Variants in RHOD observed in about 807,000 individuals in gnomAD.
RHOD encodes the protein rho-related GTP-binding protein RhoD.
In RHOD, 11 loss-of-function variants were observed where a neutral mutation model predicts 16.7. That is an observed-to-expected ratio of 0.66 (90% confidence interval 0.41 to 1.09). RHOD has a LOEUF of 1.09. Among genes scored for constraint, RHOD ranks in the 50% least tolerant of loss-of-function variants. The pLI is 0.00. For missense variants in RHOD, 271 were observed against 291.7 expected, an observed-to-expected ratio of 0.93 and a Z score of 0.52; for synonymous variants, 124 against 126.3, an observed-to-expected ratio of 0.98 and a Z score of 0.12.
Position 67,061,629 on chromosome 11 carries a change from T to A in RHOD, c.133-4267T>A, listed in dbSNP as rs567961644. ...CCTGGGCAACAAGAGCGAAACTCTG[T>A]CTCAAAAAAAAAAAAAAAAAATCAA... On this transcript the variant is annotated intron_variant, in intron 1 of 4. Coordinates refer to ENST00000308831, the MANE Select transcript of RHOD (RefSeq NM_014578.4). Among the ~76,000 whole-genome samples, 208 of 108,538 alleles carry A rather than the reference T, an allele frequency of 1.9e-3. 2 individuals are homozygous for A. The highest frequency in any genetic ancestry group is 6.9e-3 in the African/African-American group (189 of 27,442). The allele number at this position is 108,538 out of a possible 152,430, so 71.2% of individuals were successfully genotyped here.
At chr11:67,063,935 G>A (rs1018400675) in intron 1 of RHOD, among the ~76,000 whole-genome samples, 3 of 150,420 alleles carry the variant, frequency 2.0e-5, no homozygotes, top group African/African-American at 4.9e-5. Context: ...GTGAAACCCC[G>A]TCTCTACTAA....
At chr11:67,058,925 C>T (rs958218431) in intron 1 of RHOD, among the ~76,000 whole-genome samples, 3 of 152,108 alleles carry the variant, frequency 2.0e-5, no homozygotes, top group Non-Finnish European at 4.4e-5. Context: ...AATGAGGGCA[C>T]CCGGGGAAGA....
intron 1 of RHOD, among the ~76,000 whole-genome samples, chr11:67,059,453 G>A (rs1390387843): frequency 6.6e-6 from 1 of 152,146 alleles, no homozygotes; most frequent in Admixed American, 6.5e-5. Context: ...TGAGGCAGGA[G>A]AATCGCTTGA....
intron 1 of RHOD, among the ~76,000 whole-genome samples, chr11:67,058,853 A>G (rs1326036353): frequency 6.6e-6 from 1 of 152,016 alleles, no homozygotes; most frequent in African/African-American, 2.4e-5. Context: ...CCAGTCATAC[A>G]TTTTTTTAAG....
At chr11:67,070,198 G>C (rs1855009036) in intron 3 of RHOD, 3 of 625,660 alleles carry the variant, frequency 4.8e-6, no homozygotes, top group Non-Finnish European at 8.9e-6. Flanking sequence ...CACCTGTACA[G>C]TGGGATTGGT....
chr11:67,060,755 A>G (rs1011793550), intron 1 of RHOD, among the ~76,000 whole-genome samples: 3 of 152,270 alleles, frequency 2.0e-5, no homozygotes, highest in African/African-American at 7.2e-5. Flanking sequence ...AGCCACACAC[A>G]GAAGATCCTT....
At chr11:67,066,148 C>T (rs1396450255) in intron 2 of RHOD, among the ~76,000 whole-genome samples, 165 bp downstream of exon 2, 1 of 152,210 alleles carries the variant, frequency 6.6e-6, no homozygotes, top group Non-Finnish European at 1.5e-5. Flanking sequence ...CTTGCCTCTG[C>T]AGCAGTGTCT....
intron 2 of RHOD, 41 bp from the exon 3 acceptor site, chr11:67,066,697 C>A (rs377381509): frequency 5.4e-5 from 69 of 1,278,950 alleles, no homozygotes; most frequent in Non-Finnish European, 7.2e-5. Flanking sequence ...CTGACAGGGG[C>A]CAGGAGCCCT....
At chr11:67,069,715 T>C (rs1415911882) in intron 3 of RHOD, among the ~76,000 whole-genome samples, 5 of 139,068 alleles carry the variant, frequency 3.6e-5, no homozygotes, top group Non-Finnish European at 7.8e-5. Context: ...TATTTTGAGA[T>C]GGAGTTTCAC....
At position 67,071,903 on chromosome 11, in the gene RHOD, C is replaced by T. The variant is rs1855038211; in HGVS notation, c.*301C>T. ...GCCTGATGCCCCCTCGTGGCTGCTC[C>T]CAGGGCTGCACCTGCCAGGACCTAA... On this transcript the variant is annotated 3_prime_UTR_variant, in exon 5 of 5. Transcript: ENST00000308831. 5.4e-6 allele frequency: 2 copies of T among 368,912 alleles called. No individual in the cohort carries two copies. The highest frequency in any genetic ancestry group is 9.7e-6 in the Non-Finnish European group (2 of 206,924). The allele number at this position is 368,912 out of a possible 1,614,324, so 22.9% of individuals were successfully genotyped here.
chr11:67,061,985 GA>G (rs924486977), intron 1 of RHOD, among the ~76,000 whole-genome samples: 158 of 146,158 alleles, frequency 1.1e-3, no homozygotes, highest in Middle Eastern at 7.0e-3. Context: ...TGACTCCGTC[GA>G]AAAAAAAAAA....
chr11:67,062,760 C>T lies in RHOD; in HGVS notation c.133-3136C>T, dbSNP rs58157516. On this transcript the variant is annotated intron_variant, in intron 1 of 4. Coordinates refer to ENST00000308831, the MANE Select transcript of RHOD (RefSeq NM_014578.4). ...GTCACGGGCAGGTGTGGGCCGCACC[C>T]GGCATGGGAAGGGAAGAGGATAGGG... Among the ~76,000 whole-genome samples, 23 of 152,244 alleles carry T rather than the reference C, an allele frequency of 1.5e-4. No homozygotes were observed. In the East Asian group the frequency reaches 2.3e-3, roughly 15 times the overall value.
chr11:67,065,259 A>G lies in RHOD; in HGVS notation c.133-637A>G, dbSNP rs1002139692. On this transcript the variant is annotated intron_variant, in intron 1 of 4. Transcript: ENST00000308831. Reference sequence around the variant, plus strand: ...CCTGGCTAATTTTTGTATTTTTAGTAGAGACAGGGTTTCACCATGTTGGTC... The same window carrying G: ...CCTGGCTAATTTTTGTATTTTTAGTGGAGACAGGGTTTCACCATGTTGGTC... 2.6e-5 allele frequency among the ~76,000 whole-genome samples: 4 copies of G among 152,142 alleles called. No individual in the cohort carries two copies. The East Asian group carries it at 5.8e-4, about 22-fold the overall frequency.
chr11:67,057,033 A>G lies in RHOD; in HGVS notation c.131A>G (p.Glu44Gly). The change falls in exon 1 of 5, where the codon GAG becomes GGG. Residue 44 changes from glutamate (E) to glycine (G), a missense_variant and splice_region_variant. Physicochemically the swap from Glu to Gly is moderately conservative, Grantham distance 98. Transcript: ENST00000308831. ...LMVFADGAFPESYTPTVFERY... is the reference protein window; with the variant it reads ...LMVFADGAFPGSYTPTVFERY... The stretch of plus-strand genomic sequence containing the variant: ...GTCTTCGCCGATGGGGCCTTCCCCG[A>G]GGTGAGTGCCCCGCGCCTCCGCCTC... 1 of 1,475,132 alleles carries G rather than the reference A, an allele frequency of 6.8e-7. No individual in the cohort carries two copies. Among genetic ancestry groups the G allele is most frequent in the Non-Finnish European group, 8.9e-7 (1 of 1,124,792 alleles). 91.4% of individuals were successfully genotyped at this position (1,475,132 alleles called of 1,614,324 possible).
At chr11:67,068,429 C>T (rs924358618) in intron 3 of RHOD, among the ~76,000 whole-genome samples, 2 of 151,990 alleles carry the variant, frequency 1.3e-5, no homozygotes, top group African/African-American at 4.8e-5. Flanking sequence ...AGAGTGGGGT[C>T]CTGGGGTGAA....
chr11:67,071,706 C>T lies in RHOD; in HGVS notation c.*104C>T. ...CCTAGGCTGTGACCGCCGAACTCCA[C>T]TGCAACAGACGGGCGCCACCAAAGC... On this transcript the variant is annotated 3_prime_UTR_variant, in exon 5 of 5. Coordinates refer to ENST00000308831, the MANE Select transcript of RHOD (RefSeq NM_014578.4). The T allele has an allele frequency of 8.3e-7, 1 of 1,209,348 alleles. No homozygotes were observed. Among genetic ancestry groups the T allele is most frequent in the Non-Finnish European group, 1.1e-6 (1 of 892,462 alleles). 74.9% of individuals were successfully genotyped at this position (1,209,348 alleles called of 1,614,324 possible). A position where few individuals can be genotyped will look rare whatever the true frequency, so the allele number is the denominator to read the frequency against.
chr11:67,056,976 AC>A lies in RHOD; in HGVS notation c.75del (p.Asp25GlufsTer10). 1.3e-6 allele frequency: 2 copies of A among 1,507,300 alleles called. No individual in the cohort carries two copies. The highest frequency in any genetic ancestry group is 1.8e-6 in the Non-Finnish European group (2 of 1,137,374). 93.4% of individuals were successfully genotyped at this position (1,507,300 alleles called of 1,614,324 possible). ...TCCGTCAAGGTGGTCCTGGTGGGCG[AC>A]GGCGGCTGCGGGAAGACGTCGCTGC... is the stretch of plus-strand genomic sequence containing the variant. ...VRSVKVVLVG[D>X]GGCGKTSLLM... On this transcript the variant is annotated frameshift_variant, in exon 1 of 5. Coordinates refer to ENST00000308831, the MANE Select transcript of RHOD (RefSeq NM_014578.4). LOFTEE classifies it high-confidence loss of function.
At chr11:67,070,636 G>A in intron 4 of RHOD, 77 bp downstream of exon 4, 1 of 1,576,754 alleles carries the variant, frequency 6.3e-7, no homozygotes, top group Non-Finnish European at 8.7e-7. Flanking sequence ...GTGGCACCAG[G>A]TGTCCAGAAC....
intron 3 of RHOD, 65 bp downstream of exon 3, chr11:67,066,912 C>T: frequency 1.9e-6 from 2 of 1,050,028 alleles, no homozygotes; most frequent in Non-Finnish European, 3.0e-6. Context: ...GCCACCCACC[C>T]TCGACCCAGC....
Sources: gnomAD v4.1 joint callset for allele counts (sites outside exome capture counted in the v4.1 genomes callset) on GRCh38, gnomAD v4.1.1 for gene constraint, MANE v1.5 for transcripts, NCBI Gene and HGNC (gene_info 2026-07-23, HGNC 2026-07-21) for gene names.